Variants in DISP1 observed in about 807,000 individuals in gnomAD.
DISP1 encodes the protein protein dispatched homolog 1.
DISP1 carries 30 observed loss-of-function variants against 37.3 expected under a neutral mutation model. The observed-to-expected ratio is 0.80, with a 90% confidence interval of 0.60 to 1.09. The LOEUF is 1.09. DISP1 is among the 50% of genes least tolerant of loss of function. DISP1 has a pLI of 0.00. For missense variants in DISP1, 1,598 were observed against 1,879.5 expected (o/e 0.85, Z 2.77); for synonymous variants, 634 against 690.2 (o/e 0.92, Z 1.28).
intron 1 of DISP1, among the ~76,000 whole-genome samples, chr1:222,843,566 G>T (rs549581241): frequency 4.0e-5 from 6 of 151,658 alleles, no homozygotes; most frequent in Middle Eastern, 3.4e-3. Context: ...TGAAGGATGG[G>T]GGGGGGAAAT....
chr1:222,884,964 G>A (rs1670499430), intron 1 of DISP1, among the ~76,000 whole-genome samples: 1 of 151,964 alleles, frequency 6.6e-6, no homozygotes, highest in African/African-American at 2.4e-5. Context: ...AGCCCCCCGA[G>A]TAGCTAGGAC....
chr1:222,836,883 G>A (rs1667207454), intron 1 of DISP1: 1 of 387,094 alleles, frequency 2.6e-6, no homozygotes. Context: ...TGTGGCCTTA[G>A]GTAAATAACT....
chr1:222,926,503 G>C lies in DISP1; in HGVS notation c.-158-1927G>C, dbSNP rs184084924. ...CTGAATTAGTGAATACTGAATTACT[G>C]GTTCTAGGAGAAATACAGGATTAGG... On this transcript the variant is annotated intron_variant, in intron 1 of 8. Transcript: ENST00000675850. 1.6e-3 allele frequency among the ~76,000 whole-genome samples: 248 copies of C among 152,204 alleles called. 1 individual carries two copies. Among genetic ancestry groups the C allele is most frequent in the African/African-American group, 5.8e-3 (241 of 41,528 alleles).
At chr1:222,877,681 T>A (rs1301209579) in intron 1 of DISP1, among the ~76,000 whole-genome samples, 3 of 152,236 alleles carry the variant, frequency 2.0e-5, no homozygotes, top group Admixed American at 2.0e-4. Context: ...AGACAGATGA[T>A]CAACTAATCA....
chr1:222,896,087 A>G (rs1671241080), intron 1 of DISP1, among the ~76,000 whole-genome samples: 1 of 151,854 alleles, frequency 6.6e-6, no homozygotes, highest in Non-Finnish European at 1.5e-5. Context: ...AGGTGGGAGG[A>G]TAGCTTTACA....
chr1:222,936,996 A>C (rs1373979360), intron 2 of DISP1, among the ~76,000 whole-genome samples: 3 of 112,080 alleles, frequency 2.7e-5, no homozygotes, highest in Non-Finnish European at 5.1e-5. Context: ...ATATAATATT[A>C]TATAATATAG....
chr1:222,984,614 CAT>C (rs1242661771), intron 4 of DISP1, among the ~76,000 whole-genome samples: 1 of 151,106 alleles, frequency 6.6e-6, no homozygotes, highest in Non-Finnish European at 1.5e-5. Context: ...GTATATATAA[CAT>C]GTTTATATTT....
At chr1:222,817,956 A>C (rs936645694) in intron 1 of DISP1, among the ~76,000 whole-genome samples, 2 of 152,230 alleles carry the variant, frequency 1.3e-5, no homozygotes, top group Admixed American at 1.3e-4. Context: ...AAATAGACTC[A>C]GTTTTGCTTT....
At chr1:222,968,225 T>C (rs528490369) in intron 3 of DISP1, among the ~76,000 whole-genome samples, 96 of 152,254 alleles carry the variant, frequency 6.3e-4, no homozygotes, top group Non-Finnish European at 1.0e-3. Flanking sequence ...GGGGTCAGAC[T>C]AAAATTCTTT....
chr1:222,852,361 T>G (rs904721485), intron 1 of DISP1, among the ~76,000 whole-genome samples: 1 of 152,018 alleles, frequency 6.6e-6, no homozygotes, highest in South Asian at 2.1e-4. Context: ...TTGGTGGTTT[T>G]TTTGTTTTTC....
chr1:222,960,874 G>C (rs1676007215), intron 3 of DISP1, among the ~76,000 whole-genome samples: 2 of 152,180 alleles, frequency 1.3e-5, no homozygotes, highest in Non-Finnish European at 2.9e-5. Flanking sequence ...AGAAGAAATG[G>C]ATAAATTCCT....
chr1:222,921,955 TAGAA>T lies in DISP1; in HGVS notation c.-158-6471_-158-6468del, dbSNP rs1460546732. Among the ~76,000 whole-genome samples, 7 of 152,312 alleles carry T rather than the reference TAGAA, an allele frequency of 4.6e-5. No individual in the cohort carries two copies. In the East Asian group the frequency reaches 7.7e-4, roughly 17 times the overall value. The stretch of plus-strand genomic sequence containing the variant: ...CTCAGGTCATGTATGTAACTTAGAA[TAGAA>T]AGAGAGAATTTCTGGCTTAGGTAAT... On this transcript the variant is annotated intron_variant, in intron 1 of 8. Coordinates refer to ENST00000675850, the MANE Select transcript of DISP1 (RefSeq NM_001377229.1).
chr1:222,942,807 A>G lies in DISP1; in HGVS notation c.-17A>G. Reference sequence around the variant, plus strand: ...GCGATTTTATGATTTTCTTACTTAGAGTCAAGAAATTGGAGCATGGCTATG... The same window carrying G: ...GCGATTTTATGATTTTCTTACTTAGGGTCAAGAAATTGGAGCATGGCTATG... On this transcript the variant is annotated splice_region_variant and 5_prime_UTR_variant, in exon 3 of 9. Coordinates refer to ENST00000675850, the MANE Select transcript of DISP1 (RefSeq NM_001377229.1). The G allele has an allele frequency of 6.2e-7, 1 of 1,614,092 alleles. No individual in the cohort carries two copies. Among genetic ancestry groups the G allele is most frequent in the African/African-American group, 1.3e-5 (1 of 75,018 alleles).
intron 3 of DISP1, among the ~76,000 whole-genome samples, chr1:222,970,414 G>A (rs1255537002): frequency 6.6e-6 from 1 of 152,112 alleles, no homozygotes; most frequent in Non-Finnish European, 1.5e-5. Context: ...ATTTTTCAAA[G>A]CATTTTAAAA....
chr1:222,852,292 AT>A (rs575007732), intron 1 of DISP1, among the ~76,000 whole-genome samples: 2,739 of 148,220 alleles, frequency 0.018, 33 homozygotes, highest in Non-Finnish European at 0.031. Context: ...GACTTTTAGT[AT>A]TTTTTTTTTC....
chr1:222,956,814 T>C (rs534269509), intron 3 of DISP1, among the ~76,000 whole-genome samples: 31 of 152,232 alleles, frequency 2.0e-4, no homozygotes, highest in African/African-American at 7.5e-4. Flanking sequence ...TTTTCTTGGA[T>C]CTCATATTAA....
intron 1 of DISP1, among the ~76,000 whole-genome samples, chr1:222,875,613 T>TAG (rs1669917866): frequency 7.2e-6 from 1 of 138,588 alleles, no homozygotes; most frequent in South Asian, 2.2e-4. Context: ...GGTCAGGAGT[T>TAG]AGAGACCAGC....
At chr1:222,991,974 G>A (rs779997561) in intron 6 of DISP1, 39 bp from the exon 7 acceptor site, 18 of 1,507,184 alleles carry the variant, frequency 1.2e-5, no homozygotes, top group Middle Eastern at 3.4e-4. Flanking sequence ...TTGAAATAAC[G>A]AGAACTTTAT....
intron 1 of DISP1, among the ~76,000 whole-genome samples, chr1:222,884,997 C>T (rs183860355): frequency 3.5e-4 from 54 of 152,204 alleles, no homozygotes; most frequent in African/African-American, 1.0e-3. Flanking sequence ...CCACTACGCC[C>T]GGCTAATTTT....
Sources: gnomAD v4.1 joint callset for allele counts (sites outside exome capture counted in the v4.1 genomes callset) on GRCh38, gnomAD v4.1.1 for gene constraint, MANE v1.5 for transcripts, NCBI Gene and HGNC (gene_info 2026-07-23, HGNC 2026-07-21) for gene names.